The following REPS2 variants were observed in gnomAD, a reference collection of about 807,000 sequenced individuals.
REPS2 encodes the protein ralBP1-associated Eps domain-containing protein 2.
A neutral mutation model predicts 53.6 loss-of-function variants in REPS2; 23 were observed. The observed-to-expected ratio is 0.43, with a 90% CI of 0.31 to 0.61. The LOEUF (loss-of-function observed/expected upper bound fraction) is 0.61. REPS2 is among the 20% of genes least tolerant of loss of function. The pLI is 0.11. For synonymous variants in REPS2, 238 were observed against 218.6 expected, an observed-to-expected ratio of 1.09 and a Z score of -0.78; for missense variants, 446 against 534.9, an observed-to-expected ratio of 0.83 and a Z score of 1.64.
chrX:17,097,129 T>G (rs2062715346), intron 13 of REPS2, among the ~76,000 whole-genome samples: 1 of 111,726 alleles, frequency 9.0e-6, no homozygotes, highest in Non-Finnish European at 1.9e-5. Context: ...AGATGGGCCA[T>G]CTAACAAAAG....
chrX:17,168,132 G>T, the REPS2 span, among the ~76,000 whole-genome samples: 11 of 111,504 alleles, frequency 9.9e-5, no homozygotes, highest in African/African-American at 3.6e-4. Context: ...TCTGCCTCAG[G>T]GCTTTCTCTA....
intron 1 of REPS2, among the ~76,000 whole-genome samples, chrX:16,948,995 C>T (rs903654254): frequency 9.0e-6 from 1 of 111,459 alleles, no homozygotes; most frequent in Non-Finnish European, 1.9e-5. Context: ...ACATTGAAGG[C>T]ATCCTGGACA....
At chrX:17,066,262 T>C (rs1292183835) in intron 9 of REPS2, among the ~76,000 whole-genome samples, 1 of 112,399 alleles carries the variant, frequency 8.9e-6, no homozygotes, top group Non-Finnish European at 1.9e-5. Context: ...CTGACTTCCT[T>C]GCATTTCCAT....
At chrX:17,130,945 A>G (rs181177562) in intron 14 of REPS2, among the ~76,000 whole-genome samples, 1 of 112,342 alleles carries the variant, frequency 8.9e-6, no homozygotes, top group African/African-American at 3.2e-5. Context: ...TGTATGACAC[A>G]TAGTAAGTGT....
At chrX:17,135,437 A>T in intron 16 of REPS2, 31 bp downstream of exon 16, 1 of 1,186,245 alleles carries the variant, frequency 8.4e-7, no homozygotes, top group East Asian at 3.0e-5. Flanking sequence ...AGAGTGAGGT[A>T]GGAATCTCGC....
intron 17 of REPS2, among the ~76,000 whole-genome samples, chrX:17,146,611 A>T (rs754579225): frequency 1.8e-5 from 2 of 112,107 alleles, no homozygotes; most frequent in South Asian, 7.5e-4. Context: ...CAGCTACAGC[A>T]TTACCTCACC....
intron 13 of REPS2, among the ~76,000 whole-genome samples, chrX:17,102,023 TTTATTTTATGTTATG>T (rs1438745696): frequency 3.2e-5 from 3 of 93,871 alleles, no homozygotes; most frequent in African/African-American, 8.3e-5. Context: ...TTTATTTTAT[TTTATTTTATGTTATG>T]TTATGTTATG....
At chrX:17,000,813 G>A (rs767933889) in intron 1 of REPS2, among the ~76,000 whole-genome samples, 6 of 111,796 alleles carry the variant, frequency 5.4e-5, no homozygotes, top group Non-Finnish European at 1.1e-4. Flanking sequence ...TCAAAGAATA[G>A]TGTTCCCTTT....
chrX:17,148,931 C>A lies in REPS2; in HGVS notation c.*1450C>A, dbSNP rs2063541850. On this transcript the variant is annotated 3_prime_UTR_variant, in exon 18 of 18. Coordinates refer to ENST00000357277, the MANE Select transcript of REPS2 (RefSeq NM_004726.3). ...ATATGTGGGATTCAGCCTTTGATTT[C>A]AATAGAGCTGAGAGCTTTTAGAACA... is the stretch of plus-strand genomic sequence containing the variant. 1 of 374,829 alleles carries A rather than the reference C, an allele frequency of 2.7e-6. No individual in the cohort carries two copies. Among genetic ancestry groups the A allele is most frequent in the Middle Eastern group, 4.3e-4 (1 of 2,325 alleles). 30.9% of individuals were successfully genotyped at this position (374,829 alleles called of 1,213,427 possible).
At chrX:17,037,457 C>T (rs959605518) in intron 5 of REPS2, among the ~76,000 whole-genome samples, 4 of 112,089 alleles carry the variant, frequency 3.6e-5, no homozygotes, top group Non-Finnish European at 5.6e-5. Flanking sequence ...TACAGGCGTG[C>T]GCCACTGCGC....
Position 17,152,303 on chromosome X carries a change from C to T in REPS2, c.*4822C>T, listed in dbSNP as rs887805516. The T allele has an allele frequency of 8.9e-6, 1 of 111,993 alleles. No homozygotes were observed. 9.2% of individuals were successfully genotyped at this position (111,993 alleles called of 1,213,427 possible). On this transcript the variant is annotated 3_prime_UTR_variant, in exon 18 of 18. Coordinates refer to ENST00000357277, the MANE Select transcript of REPS2 (RefSeq NM_004726.3). The stretch of plus-strand genomic sequence containing the variant: ...CTTGTATAGTTATTTTCTACACATG[C>T]CAACACACATGATGATAAAGGAACC...
chrX:17,112,245 C>T (rs1341143107), intron 14 of REPS2, among the ~76,000 whole-genome samples: 1 of 111,735 alleles, frequency 8.9e-6, no homozygotes, highest in East Asian at 2.8e-4. Context: ...CAGGTGTGAG[C>T]CATCATGCCT....
At chrX:17,143,990 G>A (rs1358832481) in intron 17 of REPS2, among the ~76,000 whole-genome samples, 1 of 112,619 alleles carries the variant, frequency 8.9e-6, no homozygotes, top group Non-Finnish European at 1.9e-5. Flanking sequence ...CTGATTAGAA[G>A]TTCATTGTAC....
At position 17,151,457 on chromosome X, in the gene REPS2, T is replaced by C. The variant is rs1435448529; in HGVS notation, c.*3976T>C. Reference sequence around the variant, plus strand: ...TTGGAATTCATGTGTTTTTTGCAATTAAGGCAGGCATTTGCCAATGTCTTC... The same window carrying C: ...TTGGAATTCATGTGTTTTTTGCAATCAAGGCAGGCATTTGCCAATGTCTTC... On this transcript the variant is annotated 3_prime_UTR_variant, in exon 18 of 18. Coordinates refer to ENST00000357277, the MANE Select transcript of REPS2 (RefSeq NM_004726.3). The C allele has an allele frequency of 8.9e-6, 1 of 112,963 alleles. No individual in the cohort carries two copies. Among genetic ancestry groups the C allele is most frequent in the Non-Finnish European group, 1.9e-5 (1 of 53,349 alleles). The allele number at this position is 112,963 out of a possible 1,213,427, so 9.3% of individuals were successfully genotyped here.
At chrX:17,051,414 T>C (rs1035748500) in intron 6 of REPS2, among the ~76,000 whole-genome samples, 4 of 112,018 alleles carry the variant, frequency 3.6e-5, no homozygotes, top group African/African-American at 1.3e-4. Flanking sequence ...GCTCTAATTG[T>C]AGTTTTCTGA....
intron 1 of REPS2, among the ~76,000 whole-genome samples, chrX:16,947,913 G>C (rs2060461288): frequency 8.9e-6 from 1 of 111,896 alleles, no homozygotes; most frequent in African/African-American, 3.3e-5. Context: ...AAAAGTACTA[G>C]GGGATGATAC....
intron 4 of REPS2, 151 bp from the exon 5 acceptor site, chrX:17,029,375 A>T: frequency 4.8e-6 from 2 of 418,447 alleles, no homozygotes; most frequent in Non-Finnish European, 8.3e-6. Flanking sequence ...TGCCAAAGAG[A>T]ATCAGGGGTT....
In REPS2 at chrX:17,107,412, A is replaced by G. The variant is rs2062889071; in HGVS notation, c.1578+3633A>G. Among the ~76,000 whole-genome samples, 4 of 112,591 alleles carry G rather than the reference A, an allele frequency of 3.6e-5. No individual in the cohort carries two copies. In the South Asian group the frequency reaches 1.5e-3, roughly 41 times the overall value. ...AAGTAGTTAGGGACCATAGGCACAC[A>G]CTACCAAACCTGGCTTTCCAGGTTT... On this transcript the variant is annotated intron_variant, in intron 14 of 17. Transcript: ENST00000357277.
chrX:17,172,975 ATG>A, the REPS2 span, among the ~76,000 whole-genome samples: 4,152 of 99,150 alleles, frequency 0.042, 98 homozygotes, highest in Middle Eastern at 0.063. Flanking sequence ...GTGTGTATGT[ATG>A]TGTGTGTGTG....
Sources: gnomAD v4.1 joint callset for allele counts (sites outside exome capture counted in the v4.1 genomes callset) on GRCh38, gnomAD v4.1.1 for gene constraint, MANE v1.5 for transcripts, NCBI Gene and HGNC (gene_info 2026-07-23, HGNC 2026-07-21) for gene names.